RPRD2: variants seen among roughly 807,000 people sequenced by gnomAD.
The protein encoded by RPRD2 is regulation of nuclear pre-mRNA domain-containing protein 2.
Under a neutral mutation model 104.4 loss-of-function variants are expected in RPRD2, and 12 were observed. The ratio of observed to expected loss-of-function variants is 0.11; its 90% CI spans 0.07 to 0.19. The LOEUF is 0.19. RPRD2 is among the 10% of genes least tolerant of loss of function. The pLI is 1.00. For synonymous variants in RPRD2, 714 were observed against 684.9 expected, an observed-to-expected ratio of 1.04 and a Z score of -0.66; for missense variants, 1,543 against 1,790.1, an observed-to-expected ratio of 0.86 and a Z score of 2.49.
intron 1 of RPRD2, among the ~76,000 whole-genome samples, chr1:150,388,416 GTATA>G (rs370049726): frequency 7.1e-6 from 1 of 140,096 alleles, no homozygotes; most frequent in South Asian, 2.3e-4. Context: ...ATATACACAT[GTATA>G]TATATACATA....
In RPRD2 at chr1:150,472,768, C is replaced by A. The variant is rs1206913445; in HGVS notation, c.3820C>A (p.Pro1274Thr). 1.2e-6 allele frequency: 2 copies of A among 1,611,172 alleles called. No individual in the cohort carries two copies. Among genetic ancestry groups the A allele is most frequent in the Non-Finnish European group, 1.7e-6 (2 of 1,177,376 alleles). The change falls in exon 11 of 11, where the codon CCC becomes ACC. Residue 1274 changes from proline (P) to threonine (T), a missense_variant. By Grantham distance (38) the Pro-to-Thr change is conservative. Transcript: ENST00000369068. ...TCCTTTCCCTACCCCACCTCCTCCT[C>A]CCCCTCCTGGGGAACATAGCAGCAG... ...GIPFPTPPPP[P>T]PPGEHSSSGG...
At chr1:150,382,199 G>A (rs1380381105) in intron 1 of RPRD2, among the ~76,000 whole-genome samples, 1 of 149,588 alleles carries the variant, frequency 6.7e-6, no homozygotes, top group African/African-American at 2.4e-5. Flanking sequence ...ATGTAAAGGA[G>A]TGGACATGGC....
chr1:150,383,816 G>A (rs1478897262), intron 1 of RPRD2, among the ~76,000 whole-genome samples: 1 of 152,174 alleles, frequency 6.6e-6, no homozygotes, highest in Non-Finnish European at 1.5e-5. Context: ...ACTAGGATAA[G>A]AATTCACTTC....
chr1:150,464,807 G>C (rs73019028), intron 10 of RPRD2, 80 bp downstream of exon 10: 20,140 of 990,040 alleles, frequency 0.02, 1,395 homozygotes, highest in Admixed American at 0.13. Context: ...CATTTCTGAT[G>C]AATCCAGAGC....
intron 1 of RPRD2, among the ~76,000 whole-genome samples, chr1:150,381,907 A>G (rs968053477): frequency 6.6e-6 from 1 of 152,174 alleles, no homozygotes; most frequent in Admixed American, 6.6e-5. Flanking sequence ...TCGATCTCAA[A>G]TAGACATTAT....
intron 1 of RPRD2, among the ~76,000 whole-genome samples, chr1:150,384,495 G>GTTATTATTATTATT (rs1560155022): frequency 1.4e-4 from 18 of 131,422 alleles, no homozygotes; most frequent in African/African-American, 4.8e-4. Context: ...TTATTATTAG[G>GTTATTATTATTATT]GATGGAGCTC....
chr1:150,384,683 T>TGTGTGTGTGTGTGTGTGTGTG (rs1560155301), intron 1 of RPRD2, among the ~76,000 whole-genome samples: 1 of 118,054 alleles, frequency 8.5e-6, no homozygotes, highest in Non-Finnish European at 1.7e-5. Context: ...GTGTGTGTGT[T>TGTGTGTGTGTGTGTGTGTGTG]TTTAGTAGAG....
chr1:150,446,233 A>T lies in RPRD2; in HGVS notation c.702A>T (p.Thr234=), dbSNP rs782377299. The change falls in exon 7 of 11, where the codon ACA becomes ACT. Residue 234 remains threonine (T), a synonymous_variant. Coordinates refer to ENST00000369068, the MANE Select transcript of RPRD2 (RefSeq NM_015203.5). ...TETLKCLKDK[T]GGKKFSKEFE... ...TTTCCCATGTCATTTTAGATAAAAC[A>T]GGTGGGAAGAAGTTCTCCAAAGAAT... 7 of 1,571,006 alleles carry T rather than the reference A, an allele frequency of 4.5e-6. No homozygotes were observed. Among genetic ancestry groups the T allele is most frequent in the Non-Finnish European group, 6.0e-6 (7 of 1,164,418 alleles).
At chr1:150,404,895 T>C (rs1663348448) in intron 1 of RPRD2, among the ~76,000 whole-genome samples, 1 of 152,258 alleles carries the variant, frequency 6.6e-6, no homozygotes, top group Non-Finnish European at 1.5e-5. Flanking sequence ...CATTATTACA[T>C]ATTGTTATTT....
chr1:150,447,773 T>C (rs12065102), intron 7 of RPRD2, among the ~76,000 whole-genome samples: 56 of 152,358 alleles, frequency 3.7e-4, no homozygotes, highest in African/African-American at 1.2e-3. Flanking sequence ...TAAAAGCATA[T>C]GGTACTGTAG....
intron 1 of RPRD2, among the ~76,000 whole-genome samples, chr1:150,400,456 T>C (rs1662886786): frequency 6.6e-6 from 1 of 152,184 alleles, no homozygotes; most frequent in Non-Finnish European, 1.5e-5. Context: ...GATGAAACTG[T>C]TCCACCTCAG....
chr1:150,445,826 T>G (rs1666724136), intron 6 of RPRD2, among the ~76,000 whole-genome samples: 1 of 152,120 alleles, frequency 6.6e-6, no homozygotes, highest in Non-Finnish European at 1.5e-5. Flanking sequence ...CCCAGCACTT[T>G]GGGAGGCCCA....
intron 2 of RPRD2, among the ~76,000 whole-genome samples, chr1:150,431,659 T>G (rs1331589913): frequency 8.3e-6 from 1 of 119,988 alleles, no homozygotes; most frequent in Non-Finnish European, 2.0e-5. Flanking sequence ...TTTTGTATTT[T>G]TAGTAGAGAC....
chr1:150,386,711 GA>G (rs1346633909), intron 1 of RPRD2, among the ~76,000 whole-genome samples: 3 of 152,122 alleles, frequency 2.0e-5, no homozygotes, highest in Non-Finnish European at 4.4e-5. Flanking sequence ...AACCACAAGA[GA>G]TCACTTTTTA....
At chr1:150,365,979 A>G (rs189622846) in intron 1 of RPRD2, among the ~76,000 whole-genome samples, 5 of 152,286 alleles carry the variant, frequency 3.3e-5, no homozygotes, top group Admixed American at 3.3e-4. Context: ...CTTTTTGAAT[A>G]TGTAGTACCT....
rs775719631 is a variant in RPRD2, at chr1:150,473,531, T to C, written c.*197T>C. On this transcript the variant is annotated 3_prime_UTR_variant, in exon 11 of 11. Transcript: ENST00000369068. Reference sequence around the variant, plus strand: ...TCAATCCTCCCTCCCATTGCACTTATCTACCTTCCCCAAGTTGTTTGTATT... The same window carrying C: ...TCAATCCTCCCTCCCATTGCACTTACCTACCTTCCCCAAGTTGTTTGTATT... The C allele has an allele frequency of 2.6e-4, 58 of 226,528 alleles. No homozygotes were observed. The highest frequency in any genetic ancestry group is 1.3e-3 in the African/African-American group (45 of 35,770). 14.0% of individuals were successfully genotyped at this position (226,528 alleles called of 1,614,324 possible). A position where few individuals can be genotyped will look rare whatever the true frequency, so the allele number is the denominator to read the frequency against.
At chr1:150,401,556 C>A (rs1173869711) in intron 1 of RPRD2, among the ~76,000 whole-genome samples, 1 of 152,120 alleles carries the variant, frequency 6.6e-6, no homozygotes, top group East Asian at 1.9e-4. Flanking sequence ...TAGCTCACTG[C>A]AGCCTTGACC....
chr1:150,431,432 G>A (rs1468993295), intron 2 of RPRD2, among the ~76,000 whole-genome samples: 1 of 139,976 alleles, frequency 7.1e-6, no homozygotes, highest in Non-Finnish European at 1.5e-5. Flanking sequence ...ACAGTGTGAT[G>A]TATACAAACA....
chr1:150,379,537 G>T (rs587692223), intron 1 of RPRD2, among the ~76,000 whole-genome samples: 1 of 151,914 alleles, frequency 6.6e-6, no homozygotes, highest in African/African-American at 2.4e-5. Flanking sequence ...TGAGTAGCTG[G>T]GATTACAGGC....
Sources: allele counts gnomAD v4.1 joint callset (sites outside exome capture counted in the v4.1 genomes callset), GRCh38; gene constraint gnomAD v4.1.1; transcripts MANE v1.5; gene names NCBI Gene and HGNC (gene_info 2026-07-23, HGNC 2026-07-21).